The following COL24A1 variants were observed in gnomAD, a reference collection of about 807,000 sequenced individuals.
COL24A1 encodes the protein collagen alpha-1(XXIV) chain.
COL24A1 carries 224 observed loss-of-function variants against 253.9 expected under a neutral mutation model. The observed-to-expected ratio is 0.88, with a 90% CI of 0.79 to 0.99. COL24A1 has a LOEUF of 0.99. Ranked by LOEUF, COL24A1 falls within the 50% of genes least tolerant of loss-of-function variation. The pLI, the probability that COL24A1 is intolerant of heterozygous loss-of-function variation, is 0.00. For synonymous variants in COL24A1, 685 were observed against 673.7 expected (o/e 1.02, Z -0.26); for missense variants, 2,131 against 2,068.5 (o/e 1.03, Z -0.59).
rs866345625 is a variant in COL24A1, at chr1:86,007,327, G to T, written c.2310+9824C>A. On this transcript the variant is annotated intron_variant, in intron 19 of 59. Transcript: ENST00000370571. ...AAAATCCAGAACACTGACACCAAAT[G>T]CTGGTGAGGATGTGGAGCAAAAGGA... Among the ~76,000 whole-genome samples the T allele has an allele frequency of 2.1e-4, 32 of 152,264 alleles. 1 individual carries two copies. Among genetic ancestry groups the T allele is most frequent in the South Asian group, 1.5e-3 (7 of 4,816 alleles).
intron 43 of COL24A1, among the ~76,000 whole-genome samples, chr1:85,833,793 A>T (rs1483999494): frequency 6.6e-6 from 1 of 152,194 alleles, no homozygotes; most frequent in African/African-American, 2.4e-5. Flanking sequence ...GCCATAAAAA[A>T]GGATGAGTTC....
intron 7 of COL24A1, among the ~76,000 whole-genome samples, chr1:86,078,495 T>C (rs920022402): frequency 6.6e-6 from 1 of 152,084 alleles, no homozygotes; most frequent in African/African-American, 2.4e-5. Flanking sequence ...GCATCCAAAT[T>C]GGAAAGGAAG....
chr1:85,921,438 G>C (rs1686476242), intron 24 of COL24A1, among the ~76,000 whole-genome samples: 1 of 152,138 alleles, frequency 6.6e-6, no homozygotes, highest in Non-Finnish European at 1.5e-5. Flanking sequence ...CAAGTATACA[G>C]GCAGGTGCCC....
At chr1:85,853,228 T>C (rs1485886514) in intron 37 of COL24A1, among the ~76,000 whole-genome samples, 1 of 152,244 alleles carries the variant, frequency 6.6e-6, no homozygotes, top group Non-Finnish European at 1.5e-5. Context: ...TATTTGGTTT[T>C]CTGTTCCCAC....
chr1:85,933,087 T>TAA (rs747954578), intron 24 of COL24A1, among the ~76,000 whole-genome samples: 52 of 123,628 alleles, frequency 4.2e-4, no homozygotes, highest in South Asian at 1.9e-3. Context: ...TAGAGTATAA[T>TAA]AAAAAAAAAA....
At chr1:85,902,602 A>G (rs758020147) in intron 28 of COL24A1, among the ~76,000 whole-genome samples, 14 of 152,198 alleles carry the variant, frequency 9.2e-5, no homozygotes, top group Non-Finnish European at 2.1e-4. Flanking sequence ...GCCTGGTGTC[A>G]ATCTGGTTTC....
chr1:85,871,715 T>C (rs990010540), intron 35 of COL24A1, among the ~76,000 whole-genome samples: 4 of 152,212 alleles, frequency 2.6e-5, no homozygotes, highest in East Asian at 1.9e-4. Context: ...TAAGAGCTAT[T>C]TATGACAAAC....
chr1:85,934,890 T>C (rs2103121449), intron 24 of COL24A1, among the ~76,000 whole-genome samples: 1 of 152,136 alleles, frequency 6.6e-6, no homozygotes, highest in Admixed American at 6.5e-5. Flanking sequence ...TTATTGTCAA[T>C]ATATACCAAG....
intron 6 of COL24A1, among the ~76,000 whole-genome samples, chr1:86,090,456 A>C (rs576488472): frequency 3.3e-5 from 5 of 152,278 alleles, no homozygotes; most frequent in Non-Finnish European, 5.9e-5. Context: ...GATGTTACTT[A>C]GTGGATGTTA....
chr1:85,776,463 C>A (rs765456388), intron 52 of COL24A1, among the ~76,000 whole-genome samples: 3 of 150,474 alleles, frequency 2.0e-5, no homozygotes, highest in Non-Finnish European at 4.4e-5. Flanking sequence ...TCCTGTTCAT[C>A]CTTTTGAAAA....
At chr1:85,734,366 G>A (rs1663825979) in intron 59 of COL24A1, among the ~76,000 whole-genome samples, 1 of 152,124 alleles carries the variant, frequency 6.6e-6, no homozygotes. Context: ...GCAATAATGA[G>A]ATGTAGAATT....
chr1:85,924,701 C>T (rs184135652), intron 24 of COL24A1, among the ~76,000 whole-genome samples: 8,307 of 152,176 alleles, frequency 0.055, 539 homozygotes, highest in Admixed American at 0.19. Context: ...ATGACAAACC[C>T]GCAGCCAATA....
intron 55 of COL24A1, among the ~76,000 whole-genome samples, chr1:85,755,193 C>T (rs1050747389): frequency 1.3e-5 from 2 of 152,024 alleles, no homozygotes; most frequent in African/African-American, 2.4e-5. Context: ...ATTCTATTTC[C>T]AGTAAAACTC....
At chr1:86,121,084 T>C (rs575974523) in intron 3 of COL24A1, among the ~76,000 whole-genome samples, 38 of 152,148 alleles carry the variant, frequency 2.5e-4, no homozygotes, top group Non-Finnish European at 4.1e-4. Context: ...AGGTGGAAAT[T>C]GAAGAATGAG....
chr1:86,072,361 G>A (rs1359027997), intron 7 of COL24A1, among the ~76,000 whole-genome samples: 3 of 152,176 alleles, frequency 2.0e-5, no homozygotes, highest in African/African-American at 4.8e-5. Flanking sequence ...TGAGTAGGTG[G>A]TTTTCCCCTC....
chr1:86,074,143 C>A (rs2101861086), intron 7 of COL24A1, among the ~76,000 whole-genome samples: 1 of 152,200 alleles, frequency 6.6e-6, no homozygotes, highest in East Asian at 1.9e-4. Context: ...GGGCTAAATG[C>A]CCCAATTAAA....
At chr1:86,003,710 C>A (rs1695655970) in intron 19 of COL24A1, among the ~76,000 whole-genome samples, 1 of 151,836 alleles carries the variant, frequency 6.6e-6, no homozygotes, top group Admixed American at 6.6e-5. Context: ...GAGAAGTGAC[C>A]TGAAGTGAGG....
intron 47 of COL24A1, among the ~76,000 whole-genome samples, chr1:85,815,174 C>T (rs975905414): frequency 1.3e-5 from 2 of 152,166 alleles, no homozygotes; most frequent in East Asian, 1.9e-4. Flanking sequence ...GGAAAAGATT[C>T]ACTACAATAT....
intron 47 of COL24A1, among the ~76,000 whole-genome samples, chr1:85,799,211 A>AAAAAAAAGAAAGAAAGAAAGAAAGAAAG (rs753701297): frequency 0.097 from 13,346 of 137,540 alleles, 1,062 homozygotes; most frequent in East Asian, 0.14. Context: ...TTGGCCACAT[A>AAAAAAAAGAAAGAAAGAAAGAAAGAAAG]AAAGAAAGAA....
Sources: allele counts gnomAD v4.1 joint callset (sites outside exome capture counted in the v4.1 genomes callset), GRCh38; gene constraint gnomAD v4.1.1; transcripts MANE v1.5; gene names NCBI Gene and HGNC (gene_info 2026-07-23, HGNC 2026-07-21).